Variants in NXN observed in about 807,000 individuals in gnomAD.
NXN encodes the protein nucleoredoxin.
In NXN, 16 loss-of-function variants were observed where a neutral mutation model predicts 48.6. The observed-to-expected ratio is 0.33, with a 90% CI of 0.22 to 0.50. The LOEUF is 0.50. Ranked by LOEUF, NXN falls within the 20% of genes least tolerant of loss-of-function variation. NXN has a pLI of 0.98. For missense variants in NXN, 492 were observed against 605.5 expected (o/e 0.81, Z 1.97); for synonymous variants, 281 against 269.6 (o/e 1.04, Z -0.41).
chr17:856,394 G>A (rs1393364517), intron 1 of NXN, among the ~76,000 whole-genome samples: 31 of 152,004 alleles, frequency 2.0e-4, no homozygotes. Flanking sequence ...GATGTCTTCC[G>A]CTAGGAGATG....
intron 1 of NXN, among the ~76,000 whole-genome samples, chr17:876,678 T>C (rs2068219443): frequency 1.3e-5 from 2 of 152,218 alleles, no homozygotes; most frequent in African/African-American, 4.8e-5. Flanking sequence ...ACCATCTTCA[T>C]TCCTCATTTA....
chr17:915,296 TTCTC>T (rs769231180), intron 1 of NXN, among the ~76,000 whole-genome samples: 1 of 152,040 alleles, frequency 6.6e-6, no homozygotes, highest in Non-Finnish European at 1.5e-5. Context: ...TAGGAATTCT[TTCTC>T]TCTTTCTTTC....
chr17:827,762 A>G (rs1285238600), intron 1 of NXN, among the ~76,000 whole-genome samples: 1 of 152,254 alleles, frequency 6.6e-6, no homozygotes, highest in Non-Finnish European at 1.5e-5. Context: ...GGGTCCCGGC[A>G]GGAAGGCTAC....
intron 1 of NXN, among the ~76,000 whole-genome samples, chr17:953,401 C>G (rs1336962850): frequency 1.3e-5 from 2 of 151,948 alleles, no homozygotes; most frequent in Admixed American, 6.6e-5. Context: ...GGAGACAGAG[C>G]GAGACTCCGT....
chr17:906,829 A>G (rs2068586157), intron 1 of NXN, among the ~76,000 whole-genome samples: 1 of 151,792 alleles, frequency 6.6e-6, no homozygotes, highest in Non-Finnish European at 1.5e-5. Flanking sequence ...TCAGCCTCCC[A>G]AAGTCAGGCT....
intron 1 of NXN, among the ~76,000 whole-genome samples, chr17:955,619 G>A (rs140198380): frequency 0.012 from 1,690 of 145,454 alleles, 33 homozygotes; most frequent in African/African-American, 0.041. Context: ...TCGGGAGGCC[G>A]GACGCGGTGG....
intron 1 of NXN, among the ~76,000 whole-genome samples, chr17:851,772 C>A (rs957916638): frequency 2.0e-5 from 3 of 152,212 alleles, no homozygotes; most frequent in Admixed American, 2.0e-4. Flanking sequence ...AAGTGGAGAA[C>A]CAGCACCACT....
intron 1 of NXN, among the ~76,000 whole-genome samples, chr17:838,126 CTTTTTTTTTTT>C (rs66721481): frequency 2.0e-5 from 2 of 99,188 alleles, no homozygotes; most frequent in Non-Finnish European, 3.7e-5. Flanking sequence ...TCCTTTCCTT[CTTTTTTTTTTT>C]TTTTTTTTTT....
intron 1 of NXN, among the ~76,000 whole-genome samples, chr17:842,203 C>A (rs1379710038): frequency 6.6e-6 from 1 of 152,188 alleles, no homozygotes; most frequent in African/African-American, 2.4e-5. Flanking sequence ...TCCAGTTAAA[C>A]CCGCCACTTC....
rs573636482 is a variant in NXN, at chr17:834,543, T to C, written c.361-8465A>G. On this transcript the variant is annotated intron_variant, in intron 1 of 7. Coordinates refer to ENST00000336868, the MANE Select transcript of NXN (RefSeq NM_022463.5). The stretch of plus-strand genomic sequence containing the variant: ...GATTCTCCTGCCTCAGCCTCCTGAG[T>C]AGCTGGAATTACAGGCACCAACCAC... Among the ~76,000 whole-genome samples, 31 of 152,176 alleles carry C rather than the reference T, an allele frequency of 2.0e-4. No individual in the cohort carries two copies. The East Asian group carries it at 3.7e-3, about 18-fold the overall frequency.
intron 1 of NXN, among the ~76,000 whole-genome samples, chr17:954,807 C>T (rs75437021): frequency 1.3e-5 from 2 of 152,226 alleles, no homozygotes; most frequent in African/African-American, 4.8e-5. Context: ...AGTTAGGGGC[C>T]GCATCGGCCT....
chr17:900,426 G>T (rs1242640939), intron 1 of NXN, among the ~76,000 whole-genome samples: 1 of 152,174 alleles, frequency 6.6e-6, no homozygotes, highest in South Asian at 2.1e-4. Context: ...TCTGGCTTCA[G>T]AGCCCACTCT....
At position 917,972 on chromosome 17, in the gene NXN, G is replaced by A. The variant is rs2068705581; in HGVS notation, c.360+61347C>T. Among the ~76,000 whole-genome samples, 1 of 152,212 alleles carries A rather than the reference G, an allele frequency of 6.6e-6. No individual in the cohort carries two copies. The highest frequency in any genetic ancestry group is 1.5e-5 in the Non-Finnish European group (1 of 68,042). On this transcript the variant is annotated intron_variant, in intron 1 of 7. Coordinates refer to ENST00000336868, the MANE Select transcript of NXN (RefSeq NM_022463.5). This position sits in a 1 kb window ranked among gnomAD's most constrained non-coding sequence, Gnocchi z 4.5. ...TTTACTGAGCTCGTACTTTATGGAA[G>A]ACACATGGCTCACGGCAGGGCCCGG...
intron 1 of NXN, among the ~76,000 whole-genome samples, chr17:971,758 G>A (rs986086142): frequency 2.0e-5 from 3 of 151,950 alleles, no homozygotes; most frequent in Admixed American, 6.6e-5. Context: ...AATTCATAGC[G>A]ATTTTCCTTG....
Position 861,045 on chromosome 17 carries a change from C to A in NXN, c.361-34967G>T, listed in dbSNP as rs539589268. On this transcript the variant is annotated intron_variant, in intron 1 of 7. Transcript: ENST00000336868. ...GGGATGAGAGGAACACAGATACGGA[C>A]TGGGGAAGTAAGGAAGGGCCCTGGG... Among the ~76,000 whole-genome samples the A allele has an allele frequency of 7.2e-5, 11 of 152,270 alleles. No homozygotes were observed. The East Asian group carries it at 2.1e-3, about 29-fold the overall frequency.
At chr17:942,695 C>T in intron 1 of NXN, among the ~76,000 whole-genome samples, 1 of 123,072 alleles carries the variant, frequency 8.1e-6, no homozygotes, top group Admixed American at 8.5e-5. Context: ...AGGGCGCAGC[C>T]ATGAACTCAC....
intron 1 of NXN, among the ~76,000 whole-genome samples, chr17:954,030 C>T (rs948982975): frequency 6.6e-6 from 1 of 152,220 alleles, no homozygotes; most frequent in African/African-American, 2.4e-5. Context: ...CTGGGTTTCA[C>T]AAAGTACTTG....
At chr17:869,841 C>A (rs1048136558) in intron 1 of NXN, among the ~76,000 whole-genome samples, 1 of 152,242 alleles carries the variant, frequency 6.6e-6, no homozygotes, top group East Asian at 1.9e-4. Context: ...GGAACCAGTT[C>A]TTTGCCTCTG....
At chr17:890,226 C>A (rs1299924553) in intron 1 of NXN, among the ~76,000 whole-genome samples, 6 of 152,016 alleles carry the variant, frequency 3.9e-5, no homozygotes, top group Non-Finnish European at 8.8e-5. Context: ...TCTCGATGAT[C>A]CTTTTCCCTC....
Sources: gnomAD v4.1 joint callset for allele counts (sites outside exome capture counted in the v4.1 genomes callset) on GRCh38, gnomAD v4.1.1 for gene constraint, Gnocchi (gnomAD v3.1) non-coding constraint, MANE v1.5 for transcripts, NCBI Gene and HGNC (gene_info 2026-07-23, HGNC 2026-07-21) for gene names.